The following RALGAPB variants were observed in gnomAD, a reference collection of about 807,000 sequenced individuals.
The protein encoded by RALGAPB is Ral GTPase activating protein non-catalytic subunit beta.
RALGAPB carries 25 observed loss-of-function variants against 161.1 expected under a neutral mutation model. That is an observed-to-expected ratio of 0.16 (90% CI 0.11 to 0.22). The LOEUF is 0.22. RALGAPB is among the 10% of genes least tolerant of loss of function. The pLI, the probability that RALGAPB is intolerant of heterozygous loss-of-function variation, is 1.00. For synonymous variants in RALGAPB, 629 were observed against 626.1 expected, an observed-to-expected ratio of 1.00 and a Z score of -0.07; for missense variants, 1,391 against 1,815.2, an observed-to-expected ratio of 0.77 and a Z score of 4.25.
In RALGAPB at chr20:38,503,239, A is replaced by C. The variant is rs80206523; in HGVS notation, c.740+3606A>C. Among the ~76,000 whole-genome samples, 9 of 152,356 alleles carry C rather than the reference A, an allele frequency of 5.9e-5. No homozygotes were observed. In the East Asian group the frequency reaches 1.5e-3, roughly 26 times the overall value. On this transcript the variant is annotated intron_variant, in intron 5 of 29. Transcript: ENST00000262879. ...ATTGGTAAGGCTTCTGATTAGAAGTAGGCTATTAGTAGTTAAGTTTTGAGG... is the reference window on the plus strand; with the variant it reads ...ATTGGTAAGGCTTCTGATTAGAAGTCGGCTATTAGTAGTTAAGTTTTGAGG...
At chr20:38,574,613 A>G (rs2088367437) in intron 29 of RALGAPB, among the ~76,000 whole-genome samples, 161 bp from the exon 30 acceptor site, 1 of 152,182 alleles carries the variant, frequency 6.6e-6, no homozygotes, top group South Asian at 2.1e-4. Context: ...TTCTTCTGAC[A>G]GTTTTATCTT....
At chr20:38,512,090 T>C (rs1429935143) in intron 6 of RALGAPB, among the ~76,000 whole-genome samples, 1 of 152,280 alleles carries the variant, frequency 6.6e-6, no homozygotes, top group Non-Finnish European at 1.5e-5. Flanking sequence ...TAATATTTTC[T>C]TTACCATTAT....
At chr20:38,527,680 G>A (rs1160498649) in intron 13 of RALGAPB, among the ~76,000 whole-genome samples, 1 of 152,158 alleles carries the variant, frequency 6.6e-6, no homozygotes, top group African/African-American at 2.4e-5. Context: ...TTATGTGGAG[G>A]GGGATGTTTT....
intron 2 of RALGAPB, among the ~76,000 whole-genome samples, chr20:38,490,197 A>C (rs959683506): frequency 6.9e-6 from 1 of 145,504 alleles, no homozygotes; most frequent in Non-Finnish European, 1.5e-5. Context: ...TTAAAAATGT[A>C]TTTTTATTTA....
intron 5 of RALGAPB, chr20:38,500,022 G>A (rs2085532241): frequency 6.5e-6 from 1 of 152,776 alleles, no homozygotes; most frequent in South Asian, 2.1e-4. Context: ...TACAGGAATG[G>A]GACCATATTA....
intron 1 of RALGAPB, among the ~76,000 whole-genome samples, chr20:38,480,524 T>C (rs1348400531): frequency 6.3e-5 from 9 of 142,242 alleles, no homozygotes; most frequent in East Asian, 4.4e-4. Context: ...GTAGCTGGGA[T>C]TACAGGCGCA....
intron 1 of RALGAPB, among the ~76,000 whole-genome samples, chr20:38,474,066 G>A (rs1328505748): frequency 6.6e-6 from 1 of 152,200 alleles, no homozygotes; most frequent in African/African-American, 2.4e-5. Context: ...TCTCTGCAGG[G>A]ATTCTGAGTC....
Position 38,492,970 on chromosome 20 carries a change from T to G in RALGAPB, c.227T>G (p.Leu76Arg). 6.2e-7 allele frequency: 1 copy of G among 1,612,628 alleles called. No homozygotes were observed. ...GAAGTAATTTGCTATGGACTGACCCTTCCATTGGATGGAGAGACTGTAAAA... is the reference window on the plus strand; with the variant it reads ...GAAGTAATTTGCTATGGACTGACCCGTCCATTGGATGGAGAGACTGTAAAA... ...TMEVICYGLT[L>R]PLDGETVKYC... The change falls in exon 3 of 30, where the codon CTT becomes CGT. Residue 76 changes from leucine (L) to arginine (R), a missense_variant. Coordinates refer to ENST00000262879, the MANE Select transcript of RALGAPB (RefSeq NM_020336.4).
chr20:38,518,156 A>T (rs887150508), intron 9 of RALGAPB, among the ~76,000 whole-genome samples, 156 bp downstream of exon 9: 17 of 152,200 alleles, frequency 1.1e-4, no homozygotes, highest in African/African-American at 3.4e-4. Context: ...AGCTGAAGTA[A>T]CAGAACTTAA....
At chr20:38,510,163 C>G (rs1427385802) in intron 6 of RALGAPB, among the ~76,000 whole-genome samples, 1 of 148,936 alleles carries the variant, frequency 6.7e-6, no homozygotes, top group Non-Finnish European at 1.5e-5. Flanking sequence ...CACACACACA[C>G]ACAGACACAC....
At chr20:38,476,405 T>G (rs2084804799) in intron 1 of RALGAPB, among the ~76,000 whole-genome samples, 1 of 152,206 alleles carries the variant, frequency 6.6e-6, no homozygotes, top group Non-Finnish European at 1.5e-5. Context: ...GGAAAGTAAC[T>G]TGGTCAAGGC....
chr20:38,519,320 G>A (rs2086222031), intron 9 of RALGAPB, among the ~76,000 whole-genome samples: 1 of 152,090 alleles, frequency 6.6e-6, no homozygotes, highest in Admixed American at 6.5e-5. Flanking sequence ...CATGTACCTT[G>A]TATTTTGAGT....
chr20:38,489,111 G>GT (rs2085204912), intron 2 of RALGAPB, among the ~76,000 whole-genome samples: 1 of 152,166 alleles, frequency 6.6e-6, no homozygotes, highest in African/African-American at 2.4e-5. Context: ...TGGCTTCCAG[G>GT]TTTAAGAGTG....
chr20:38,506,051 C>T (rs1482019532), intron 5 of RALGAPB, among the ~76,000 whole-genome samples: 1 of 39,602 alleles, frequency 2.5e-5, no homozygotes, highest in Non-Finnish European at 4.8e-5. Flanking sequence ...TTGAATTTGC[C>T]TTCTACTGCC....
chr20:38,482,600 G>A (rs1334683326), intron 1 of RALGAPB, among the ~76,000 whole-genome samples: 1 of 151,706 alleles, frequency 6.6e-6, no homozygotes, highest in East Asian at 1.9e-4. Flanking sequence ...GCTAATTTTT[G>A]TATTTTTTAG....
At chr20:38,543,910 C>A (rs1333780096) in intron 18 of RALGAPB, among the ~76,000 whole-genome samples, 1 of 152,212 alleles carries the variant, frequency 6.6e-6, no homozygotes, top group East Asian at 1.9e-4. Context: ...TACCTGGTTA[C>A]ATGTGATCCG....
intron 6 of RALGAPB, among the ~76,000 whole-genome samples, chr20:38,512,926 A>AT (rs1468874546): frequency 2.0e-5 from 3 of 150,830 alleles, no homozygotes; most frequent in African/African-American, 5.0e-5. Flanking sequence ...TGCCTGACTA[A>AT]TTTTTTGTAT....
At chr20:38,567,709 A>G (rs1286458387) in intron 26 of RALGAPB, among the ~76,000 whole-genome samples, 1 of 152,132 alleles carries the variant, frequency 6.6e-6, no homozygotes, top group Non-Finnish European at 1.5e-5. Flanking sequence ...CTTTTTTCTT[A>G]CCTTATCAGC....
intron 10 of RALGAPB, among the ~76,000 whole-genome samples, chr20:38,522,952 C>T (rs190098437): frequency 1.6e-4 from 24 of 152,310 alleles, no homozygotes; most frequent in Admixed American, 3.9e-4. Flanking sequence ...TTCTTCTCTT[C>T]TCTGCAGATC....
Sources: gnomAD v4.1 joint callset for allele counts (sites outside exome capture counted in the v4.1 genomes callset) on GRCh38, gnomAD v4.1.1 for gene constraint, MANE v1.5 for transcripts, NCBI Gene and HGNC (gene_info 2026-07-23, HGNC 2026-07-21) for gene names.